TTC39B: variants seen among roughly 807,000 people sequenced by gnomAD.
TTC39B encodes tetratricopeptide repeat domain 39B.
A neutral mutation model predicts 96.6 loss-of-function variants in TTC39B; 92 were observed. The ratio of observed to expected loss-of-function variants is 0.95; its 90% CI spans 0.80 to 1.13. The LOEUF (loss-of-function observed/expected upper bound fraction) is 1.13, where lower values mean the gene tolerates loss of function less well. Among genes scored for constraint, TTC39B ranks in the 50% most tolerant of loss-of-function variants. The pLI, the probability that TTC39B is intolerant of heterozygous loss-of-function variation, is 0.00. For synonymous variants in TTC39B, 367 were observed against 299.4 expected (o/e 1.23, Z -2.33); for missense variants, 955 against 809.3 (o/e 1.18, Z -2.18).
intron 7 of TTC39B, 41 bp downstream of exon 7, chr9:15,203,782 T>C: frequency 6.4e-7 from 1 of 1,560,516 alleles, no homozygotes; most frequent in Non-Finnish European, 8.8e-7. Flanking sequence ...GCACTGGCAG[T>C]CTTCCCAGCC....
At chr9:15,196,418 G>C (rs573080906) in intron 8 of TTC39B, among the ~76,000 whole-genome samples, 4 of 152,196 alleles carry the variant, frequency 2.6e-5, no homozygotes, top group Non-Finnish European at 4.4e-5. Flanking sequence ...TTCATGGAAG[G>C]AAGTCAAAAT....
intron 2 of TTC39B, among the ~76,000 whole-genome samples, chr9:15,256,563 C>G (rs1449161157): frequency 3.3e-5 from 5 of 152,026 alleles, no homozygotes; most frequent in Non-Finnish European, 1.5e-5. Context: ...AACAGATGAT[C>G]AAAAAACAAG....
chr9:15,296,748 C>A (rs1223465895), intron 1 of TTC39B, among the ~76,000 whole-genome samples: 1 of 152,144 alleles, frequency 6.6e-6, no homozygotes, highest in African/African-American at 2.4e-5. Context: ...CCCCCTGCCT[C>A]GGCCTCCCAA....
chr9:15,248,608 G>T (rs1333667649), intron 2 of TTC39B, among the ~76,000 whole-genome samples: 1 of 151,880 alleles, frequency 6.6e-6, no homozygotes, highest in East Asian at 1.9e-4. Flanking sequence ...ATTTTTGAAT[G>T]AATGAATGAA....
At chr9:15,207,482 G>GC (rs1224450232) in intron 6 of TTC39B, among the ~76,000 whole-genome samples, 1 of 151,956 alleles carries the variant, frequency 6.6e-6, no homozygotes, top group Non-Finnish European at 1.5e-5. Context: ...TTCTCTACTT[G>GC]CCTATAGGAG....
chr9:15,226,198 C>T (rs986524894), intron 2 of TTC39B, among the ~76,000 whole-genome samples, 186 bp from the exon 3 acceptor site: 1 of 152,106 alleles, frequency 6.6e-6, no homozygotes, highest in Admixed American at 6.6e-5. Flanking sequence ...TGAAATACAG[C>T]CCTAATAACT....
At chr9:15,280,892 G>A (rs10961953) in intron 1 of TTC39B, among the ~76,000 whole-genome samples, 7,463 of 152,218 alleles carry the variant, frequency 0.049, 249 homozygotes, top group Middle Eastern at 0.092. Context: ...GAGAGTCGAG[G>A]CACCAGCCAT....
chr9:15,181,626 G>A (rs1818254646), intron 17 of TTC39B, among the ~76,000 whole-genome samples: 1 of 152,144 alleles, frequency 6.6e-6, no homozygotes, highest in African/African-American at 2.4e-5. Flanking sequence ...AATGTAATGG[G>A]TAGAATAAAT....
At chr9:15,242,992 C>T (rs1822112334) in intron 2 of TTC39B, among the ~76,000 whole-genome samples, 2 of 152,144 alleles carry the variant, frequency 1.3e-5, no homozygotes, top group South Asian at 4.1e-4. Context: ...AATGCCAAGC[C>T]CTTGGGCCAC....
intron 2 of TTC39B, among the ~76,000 whole-genome samples, chr9:15,255,213 C>A (rs1035033504): frequency 3.3e-5 from 5 of 152,032 alleles, no homozygotes; most frequent in Non-Finnish European, 5.9e-5. Context: ...CAGTTTTAGG[C>A]AATTTCAGGG....
chr9:15,279,209 A>C (rs1823658463), intron 1 of TTC39B, among the ~76,000 whole-genome samples: 1 of 152,122 alleles, frequency 6.6e-6, no homozygotes, highest in African/African-American at 2.4e-5. Flanking sequence ...GAGCAAAAAG[A>C]AACCTCCTGC....
chr9:15,228,589 C>T (rs1821258852), intron 2 of TTC39B, among the ~76,000 whole-genome samples: 1 of 152,120 alleles, frequency 6.6e-6, no homozygotes. Flanking sequence ...AATCAGAAAC[C>T]GCCAACTCAC....
chr9:15,260,218 C>A (rs1822895693), intron 2 of TTC39B, among the ~76,000 whole-genome samples: 1 of 151,414 alleles, frequency 6.6e-6, no homozygotes, highest in South Asian at 2.1e-4. Flanking sequence ...TGCCTTCCTG[C>A]AAGATGATTT....
intron 2 of TTC39B, among the ~76,000 whole-genome samples, chr9:15,252,791 G>A (rs1822611701): frequency 6.6e-6 from 1 of 152,198 alleles, no homozygotes. Flanking sequence ...GGGGAACTAG[G>A]TATAAGGGTC....
intron 14 of TTC39B, 69 bp from the exon 15 acceptor site, chr9:15,187,104 GA>G: frequency 8.7e-7 from 1 of 1,144,492 alleles, no homozygotes; most frequent in East Asian, 2.5e-5. Flanking sequence ...TTCAAATCAG[GA>G]ATGACCAACA....
chr9:15,287,303 T>C (rs1587011724), intron 1 of TTC39B, among the ~76,000 whole-genome samples: 1 of 152,292 alleles, frequency 6.6e-6, no homozygotes, highest in South Asian at 2.1e-4. Context: ...TATAGTGACA[T>C]CTGACAAAGC....
exon 20 of TTC39B, chr9:15,168,386 A>G (rs1053890371): frequency 9.4e-5 from 14 of 149,472 alleles, no homozygotes; most frequent in African/African-American, 3.5e-4. Context: ...ATGTATTTGA[A>G]TTTAAGATTT....
At chr9:15,240,288 G>A (rs1226355421) in intron 2 of TTC39B, among the ~76,000 whole-genome samples, 2 of 152,212 alleles carry the variant, frequency 1.3e-5, no homozygotes, top group East Asian at 3.9e-4. Context: ...CCTCACGAAG[G>A]AAAAACAGCT....
intron 5 of TTC39B, among the ~76,000 whole-genome samples, chr9:15,210,441 T>A (rs1424453148): frequency 6.6e-6 from 1 of 152,212 alleles, no homozygotes; most frequent in Non-Finnish European, 1.5e-5. Flanking sequence ...CCTTCCCTTA[T>A]CCCTATAACT....
Sources: allele counts gnomAD v4.1 joint callset (sites outside exome capture counted in the v4.1 genomes callset), GRCh38; gene constraint gnomAD v4.1.1; transcripts MANE v1.5; gene names NCBI Gene and HGNC (gene_info 2026-07-23, HGNC 2026-07-21).